Variants in KCNMB2 observed in about 807,000 individuals in gnomAD.
The protein encoded by KCNMB2 is calcium-activated potassium channel subunit beta-2.
KCNMB2 carries 9 observed loss-of-function variants against 24.5 expected under a neutral mutation model. That is an observed-to-expected ratio of 0.37 (90% CI 0.22 to 0.64). KCNMB2 has a LOEUF of 0.64. Ranked by LOEUF, KCNMB2 falls within the 30% of genes least tolerant of loss-of-function variation. The probability of loss-of-function intolerance (pLI) is 0.63; values close to 1 mark genes in which losing one functional copy is unlikely to be tolerated. For synonymous variants in KCNMB2, 109 were observed against 104.4 expected, an observed-to-expected ratio of 1.04 and a Z score of -0.27; for missense variants, 226 against 284.3, an observed-to-expected ratio of 0.79 and a Z score of 1.47.
chr3:178,778,460 A>ACACGCGCGCGCGCG (rs879860042), intron 1 of KCNMB2, among the ~76,000 whole-genome samples: 2 of 48,058 alleles, frequency 4.2e-5, no homozygotes, highest in South Asian at 1.4e-3. Flanking sequence ...TTTAAGACAC[A>ACACGCGCGCGCGCG]CACACACACA....
chr3:178,569,121 G>C (rs1346707555), intron 1 of KCNMB2, among the ~76,000 whole-genome samples: 1 of 151,982 alleles, frequency 6.6e-6, no homozygotes, highest in East Asian at 1.9e-4. Flanking sequence ...CTTTTGGGTT[G>C]GCTACATTTT....
chr3:178,604,125 C>G (rs965162681), intron 1 of KCNMB2, among the ~76,000 whole-genome samples: 1 of 152,110 alleles, frequency 6.6e-6, no homozygotes, highest in Non-Finnish European at 1.5e-5. Flanking sequence ...CCCTGCCCAC[C>G]TCCCCCCAGT....
intron 1 of KCNMB2, among the ~76,000 whole-genome samples, chr3:178,791,544 A>G (rs916585696): frequency 5.9e-5 from 9 of 152,086 alleles, no homozygotes. Flanking sequence ...AGGCAGAAAA[A>G]CAGATAGAGT....
chr3:178,717,803 T>G (rs1722668079), intron 1 of KCNMB2, among the ~76,000 whole-genome samples: 3 of 151,376 alleles, frequency 2.0e-5, no homozygotes. Context: ...CGGGATAACC[T>G]GGGGAGTAGG....
chr3:178,715,475 T>C (rs1722591510), intron 1 of KCNMB2, among the ~76,000 whole-genome samples: 1 of 151,946 alleles, frequency 6.6e-6, no homozygotes, highest in South Asian at 2.1e-4. Flanking sequence ...TCCTCTGAAG[T>C]TCACCTTCTC....
intron 1 of KCNMB2, among the ~76,000 whole-genome samples, chr3:178,538,428 C>A (rs979213707): frequency 6.6e-6 from 1 of 152,204 alleles, no homozygotes; most frequent in African/African-American, 2.4e-5. Context: ...AACAAAAATA[C>A]ACACATACAT....
intron 2 of KCNMB2, among the ~76,000 whole-genome samples, chr3:178,819,174 C>G (rs1714525639): frequency 6.6e-6 from 1 of 152,102 alleles, no homozygotes; most frequent in African/African-American, 2.4e-5. Flanking sequence ...ACTGACTGTT[C>G]ATTTTAAGGA....
At chr3:178,721,206 T>C (rs980877890) in intron 1 of KCNMB2, among the ~76,000 whole-genome samples, 64 of 152,340 alleles carry the variant, frequency 4.2e-4, no homozygotes, top group Non-Finnish European at 6.2e-4. Context: ...TAGCCAGTTT[T>C]CCCAGCACCA....
intron 1 of KCNMB2, among the ~76,000 whole-genome samples, chr3:178,764,604 T>C (rs183777854): frequency 9.4e-4 from 143 of 152,264 alleles, no homozygotes; most frequent in Non-Finnish European, 1.6e-3. Flanking sequence ...TCTCAGAAAA[T>C]ATCCATGTCA....
At chr3:178,713,459 C>T (rs1419934881) in intron 1 of KCNMB2, among the ~76,000 whole-genome samples, 1 of 152,198 alleles carries the variant, frequency 6.6e-6, no homozygotes, top group Non-Finnish European at 1.5e-5. Flanking sequence ...CCTGAAGTCA[C>T]CCACTGCTAG....
chr3:178,559,091 A>G (rs970650244), intron 1 of KCNMB2: 1 of 152,210 alleles, frequency 6.6e-6, no homozygotes, highest in African/African-American at 2.4e-5. Context: ...AATTTAAAAG[A>G]GCTGTACTGG....
intron 2 of KCNMB2, among the ~76,000 whole-genome samples, chr3:178,824,207 T>C (rs1714742508): frequency 6.6e-6 from 1 of 152,152 alleles, no homozygotes; most frequent in African/African-American, 2.4e-5. Context: ...CAATCCTCCA[T>C]CCCCAAGCTT....
intron 1 of KCNMB2, among the ~76,000 whole-genome samples, chr3:178,541,922 T>A (rs1406564101): frequency 1.3e-5 from 2 of 152,202 alleles, no homozygotes; most frequent in African/African-American, 4.8e-5. Context: ...CTCATTCTGA[T>A]TACCTGCTAC....
At chr3:178,712,878 A>G (rs570241958) in intron 1 of KCNMB2, among the ~76,000 whole-genome samples, 2 of 152,308 alleles carry the variant, frequency 1.3e-5, no homozygotes, top group East Asian at 1.9e-4. Flanking sequence ...GTGAATTGGG[A>G]ATACTAGGTA....
intron 1 of KCNMB2, among the ~76,000 whole-genome samples, chr3:178,624,223 C>T (rs1474727969): frequency 6.9e-6 from 1 of 144,998 alleles, no homozygotes. Context: ...ACAAAACAAA[C>T]AAAAAATTTG....
At chr3:178,570,627 T>C (rs1023987106) in intron 1 of KCNMB2, among the ~76,000 whole-genome samples, 17 of 150,352 alleles carry the variant, frequency 1.1e-4, no homozygotes, top group South Asian at 8.5e-4. Context: ...TAATTGTCAC[T>C]AGCTATTGTG....
At chr3:178,638,629 T>A (rs563927747) in intron 1 of KCNMB2, among the ~76,000 whole-genome samples, 9 of 152,364 alleles carry the variant, frequency 5.9e-5, no homozygotes, top group African/African-American at 1.9e-4. Context: ...AATGTAAGCT[T>A]AAATAACTAA....
At chr3:178,836,395 G>A (rs1039035650) in intron 4 of KCNMB2, among the ~76,000 whole-genome samples, 1 of 152,102 alleles carries the variant, frequency 6.6e-6, no homozygotes, top group Non-Finnish European at 1.5e-5. Context: ...CCCATGTAAG[G>A]GAAAGGATGA....
At chr3:178,599,480 C>T (rs1718000927) in intron 1 of KCNMB2, among the ~76,000 whole-genome samples, 1 of 152,138 alleles carries the variant, frequency 6.6e-6, no homozygotes. Context: ...AAACAATACA[C>T]ATTAAATGTT....
Sources: allele counts gnomAD v4.1 joint callset (sites outside exome capture counted in the v4.1 genomes callset), GRCh38; gene constraint gnomAD v4.1.1; transcripts MANE v1.5; gene names NCBI Gene and HGNC (gene_info 2026-07-23, HGNC 2026-07-21).